TDG: variants seen among roughly 807,000 people sequenced by gnomAD.
TDG encodes the protein thymine DNA glycosylase.
In TDG, 23 loss-of-function variants were observed where a neutral mutation model predicts 46.1. That is an observed-to-expected ratio of 0.50 (90% CI 0.36 to 0.71). TDG has a LOEUF of 0.71. Ranked by LOEUF, TDG falls within the 30% of genes least tolerant of loss-of-function variation. The pLI is 0.00. For missense variants in TDG, 304 were observed against 486.7 expected, an observed-to-expected ratio of 0.62 and a Z score of 3.53; for synonymous variants, 115 against 161.3, an observed-to-expected ratio of 0.71 and a Z score of 2.18.
At chr12:103,985,147 GTGTC>G (rs1872066930) in intron 8 of TDG, among the ~76,000 whole-genome samples, 1 of 129,620 alleles carries the variant, frequency 7.7e-6, no homozygotes, top group Non-Finnish European at 1.7e-5. Context: ...ACATATGTGT[GTGTC>G]TATATATAGA....
chr12:103,968,814 A>G (rs570278750), intron 1 of TDG, among the ~76,000 whole-genome samples: 35 of 152,326 alleles, frequency 2.3e-4, no homozygotes, highest in African/African-American at 7.5e-4. Context: ...TACTTAATCA[A>G]TGGTTACTGA....
intron 1 of TDG, among the ~76,000 whole-genome samples, chr12:103,971,288 C>T (rs1871273046): frequency 6.6e-6 from 1 of 152,096 alleles, no homozygotes; most frequent in Admixed American, 6.6e-5. Flanking sequence ...TCTAGCCGGA[C>T]ACAGTGGCTC....
At chr12:103,973,887 T>C (rs926409049) in intron 1 of TDG, among the ~76,000 whole-genome samples, 1 of 152,236 alleles carries the variant, frequency 6.6e-6, no homozygotes, top group Non-Finnish European at 1.5e-5. Context: ...TTTTCTCATG[T>C]TAATGTATTG....
rs1872190502 is a variant in TDG at position 103,987,010 on chromosome 12, A to T, written c.1153A>T (p.Thr385Ser). Residue 385 changes from threonine (T) to serine (S), a missense_variant, in exon 10 of 10, where the codon ACC becomes TCC. Thr to Ser is a moderately conservative substitution (Grantham distance 58). Transcript: ENST00000392872. ...TGGCATTCCTAATGGGCAGTGGATGACCCAGTCATTTACAGACCAAATTCC... is the reference window on the plus strand; with the variant it reads ...TGGCATTCCTAATGGGCAGTGGATGTCCCAGTCATTTACAGACCAAATTCC... ...FSGIPNGQWM[T>S]QSFTDQIPSF... is the part of the protein sequence containing the mutation. 2.5e-6 allele frequency: 4 copies of T among 1,614,286 alleles called. No individual in the cohort carries two copies. Among genetic ancestry groups the T allele is most frequent in the Non-Finnish European group, 3.4e-6 (4 of 1,180,050 alleles).
intron 2 of TDG, 57 bp downstream of exon 2, chr12:103,977,117 G>A (rs1394158978): frequency 6.4e-7 from 1 of 1,565,814 alleles, no homozygotes; most frequent in Admixed American, 2.1e-5. Flanking sequence ...GCTTATTTGA[G>A]AAAGGGTTTC....
rs776374792 is a variant in TDG, at chr12:103,966,036, G to T, written c.-2G>T. Reference sequence around the variant, plus strand: ...AGCCGCCCGCATCAGCGGCCTCGGGGAATGGAAGCGGAGAACGCGGGCAGG... The same window carrying T: ...AGCCGCCCGCATCAGCGGCCTCGGGTAATGGAAGCGGAGAACGCGGGCAGG... On this transcript the variant is annotated 5_prime_UTR_variant, in exon 1 of 10. Coordinates refer to ENST00000392872, the MANE Select transcript of TDG (RefSeq NM_003211.6). 1.3e-6 allele frequency: 2 copies of T among 1,597,552 alleles called. No homozygotes were observed. The highest frequency in any genetic ancestry group is 2.3e-5 in the East Asian group (1 of 43,790).
chr12:103,979,109 CT>C (rs372883902), intron 2 of TDG, among the ~76,000 whole-genome samples: 20 of 123,568 alleles, frequency 1.6e-4, no homozygotes, highest in Admixed American at 1.9e-4. Flanking sequence ...TTTTTTCTTT[CT>C]TTTTTTTTTT....
At position 103,986,997 on chromosome 12, in the gene TDG, T is replaced by G. The variant is rs1302318241; in HGVS notation, c.1140T>G (p.Asn380Lys). 4.3e-6 allele frequency: 7 copies of G among 1,614,148 alleles called. No homozygotes were observed. Among genetic ancestry groups the G allele is most frequent in the Non-Finnish European group, 5.9e-6 (7 of 1,180,044 alleles). Residue 380 changes from asparagine (N) to lysine (K), a missense_variant, in exon 10 of 10, where the codon AAT becomes AAG. Physicochemically the swap from Asn to Lys is moderately conservative, Grantham distance 94. Transcript: ENST00000392872. ...RGESAFSGIP[N>K]GQWMTQSFTD... The stretch of plus-strand genomic sequence containing the variant: ...AATCAGCTTTCAGTGGCATTCCTAA[T>G]GGGCAGTGGATGACCCAGTCATTTA...
rs1871758807 is a variant in TDG, at chr12:103,980,243, G to T, written c.408+171G>T. 3 of 844,110 alleles carry T rather than the reference G, an allele frequency of 3.6e-6. No homozygotes were observed. In the South Asian group the frequency reaches 5.8e-5, roughly 16 times the overall value. 52.3% of individuals were successfully genotyped at this position (844,110 alleles called of 1,614,324 possible). On this transcript the variant is annotated intron_variant, in intron 3 of 9. Coordinates refer to ENST00000392872, the MANE Select transcript of TDG (RefSeq NM_003211.6). ...GTGTTATATGAGAGTGTTTAAGAGG[G>T]TGGGCTCCAAATTTAGACTGTCTGG...
chr12:103,978,961 C>G (rs1261072401), intron 2 of TDG, among the ~76,000 whole-genome samples: 1 of 152,030 alleles, frequency 6.6e-6, no homozygotes, highest in Non-Finnish European at 1.5e-5. Context: ...GAGGTTGGAT[C>G]CCTCCTCTTG....
chr12:103,981,841 T>C (rs1189933624), intron 4 of TDG, among the ~76,000 whole-genome samples: 2 of 151,966 alleles, frequency 1.3e-5, no homozygotes, highest in African/African-American at 4.8e-5. Context: ...AAGATCTCAT[T>C]TCTACAAAAA....
chr12:103,985,166 T>TACATACAC (rs1555275231), intron 8 of TDG, among the ~76,000 whole-genome samples: 23,558 of 137,976 alleles, frequency 0.17, 2,177 homozygotes, highest in East Asian at 0.22. Flanking sequence ...TATAGACACA[T>TACATACAC]ACACACACAC....
intron 1 of TDG, among the ~76,000 whole-genome samples, chr12:103,968,196 A>G (rs958229329): frequency 6.6e-6 from 1 of 152,168 alleles, no homozygotes; most frequent in African/African-American, 2.4e-5. Context: ...CCAGAGAGGA[A>G]TAAAGGAGGA....
chr12:103,986,897 A>G (rs1872179380), intron 9 of TDG, 51 bp from the exon 10 acceptor site: 4 of 1,595,362 alleles, frequency 2.5e-6, no homozygotes, highest in Middle Eastern at 1.7e-4. Flanking sequence ...CTTTAAAAAA[A>G]GCAAATATTT....
At chr12:103,979,039 T>C (rs1286558546) in intron 2 of TDG, among the ~76,000 whole-genome samples, 1 of 151,836 alleles carries the variant, frequency 6.6e-6, no homozygotes, top group Non-Finnish European at 1.5e-5. Flanking sequence ...TCTTCAACTA[T>C]GTATGGAACA....
intron 1 of TDG, among the ~76,000 whole-genome samples, chr12:103,971,900 G>A (rs1312405473): frequency 6.6e-6 from 1 of 152,070 alleles, no homozygotes; most frequent in Non-Finnish European, 1.5e-5. Context: ...CATGGTGAGG[G>A]AATGGATACC....
At chr12:103,977,914 C>G (rs967297737) in intron 2 of TDG, among the ~76,000 whole-genome samples, 1 of 152,094 alleles carries the variant, frequency 6.6e-6, no homozygotes, top group African/African-American at 2.4e-5. Context: ...ATTAGCCGGG[C>G]ATGGTGGCGC....
chr12:103,983,461 C>A, intron 7 of TDG, 72 bp downstream of exon 7: 1 of 1,153,170 alleles, frequency 8.7e-7, no homozygotes, highest in Non-Finnish European at 1.2e-6. Context: ...CTTATTTGTC[C>A]TATCCATTGT....
chr12:103,968,881 C>T (rs1248703010), intron 1 of TDG, among the ~76,000 whole-genome samples: 1 of 152,216 alleles, frequency 6.6e-6, no homozygotes, highest in African/African-American at 2.4e-5. Context: ...GTAATCCCAG[C>T]ACTTTGGGAG....
Sources: gnomAD v4.1 joint callset for allele counts (sites outside exome capture counted in the v4.1 genomes callset) on GRCh38, gnomAD v4.1.1 for gene constraint, MANE v1.5 for transcripts, NCBI Gene and HGNC (gene_info 2026-07-23, HGNC 2026-07-21) for gene names.